The following SMG1 variants were observed in gnomAD, a reference collection of about 807,000 sequenced individuals.
SMG1 encodes the protein SMG1 nonsense mediated mRNA decay associated PI3K related kinase.
In SMG1, 22 loss-of-function variants were observed where a neutral mutation model predicts 419.9. The observed-to-expected ratio is 0.05, with a 90% CI of 0.04 to 0.07. The LOEUF (loss-of-function observed/expected upper bound fraction) is 0.07. Among genes scored for constraint, SMG1 ranks in the 10% least tolerant of loss-of-function variants. The pLI is 1.00. For missense variants in SMG1, 3,185 were observed against 4,342.0 expected, an observed-to-expected ratio of 0.73 and a Z score of 7.49; for synonymous variants, 1,538 against 1,553.5, an observed-to-expected ratio of 0.99 and a Z score of 0.23.
intron 35 of SMG1, among the ~76,000 whole-genome samples, chr16:18,849,666 G>GACAATTTTT (rs912185401): frequency 6.6e-6 from 1 of 152,186 alleles, no homozygotes; most frequent in Non-Finnish European, 1.5e-5. Flanking sequence ...GGCAGGCACA[G>GACAATTTTT]ACAATTTTTA....
chr16:18,852,166 A>C lies in SMG1; in HGVS notation c.4953T>G (p.Ser1651=). ...TGTCTGGAAGTAGATTCTGAACTTC[A>C]GATTTTTCTCTAGGCAGCAGACGAA... ...EGVRLLPREK[S]EVQNLLPDTI... is the part of the protein sequence containing the mutation. Residue 1651 remains serine (S), a synonymous_variant, in exon 33 of 63, where the codon TCT becomes TCG. Transcript: ENST00000446231. 1 of 1,613,918 alleles carries C rather than the reference A, an allele frequency of 6.2e-7. No individual in the cohort carries two copies.
intron 6 of SMG1, among the ~76,000 whole-genome samples, chr16:18,887,046 T>A (rs1036610054): frequency 5.9e-5 from 9 of 152,176 alleles, no homozygotes; most frequent in Non-Finnish European, 8.8e-5. Context: ...TGAACTGTCA[T>A]CATGTGTATG....
chr16:18,862,489 C>G (rs1016309630), intron 25 of SMG1, among the ~76,000 whole-genome samples: 1 of 152,174 alleles, frequency 6.6e-6, no homozygotes, highest in Non-Finnish European at 1.5e-5. Context: ...AGTTCCAAAT[C>G]CAATTCTTAA....
intron 45 of SMG1, 36 bp from the exon 46 acceptor site, chr16:18,837,479 A>C (rs768143353): frequency 1.7e-5 from 27 of 1,561,260 alleles, no homozygotes; most frequent in Non-Finnish European, 2.2e-5. Flanking sequence ...AGACTCTTAC[A>C]GGGCCAATTT....
At chr16:18,848,994 T>A (rs2034428165) in intron 36 of SMG1, among the ~76,000 whole-genome samples, 2 of 135,936 alleles carry the variant, frequency 1.5e-5, no homozygotes, top group African/African-American at 5.6e-5. Context: ...TGCTTAAACC[T>A]GGGAGGCAGA....
intron 3 of SMG1, among the ~76,000 whole-genome samples, chr16:18,893,349 G>A (rs1489619119): frequency 3.3e-5 from 5 of 152,176 alleles, no homozygotes; most frequent in East Asian, 1.9e-4. Context: ...TTTGCTGGGC[G>A]AGGTGGCTCT....
Position 18,834,233 on chromosome 16 carries a change from A to G in SMG1, c.8536T>C (p.Leu2846=). ...NPMEASETVH[L]ANGVYTSLQE... Reference sequence around the variant, plus strand: ...AGTGAGGTATACACTCCATTGGCTAAGTGAACTGTCTCAGACGCTTCCATG... The same window carrying G: ...AGTGAGGTATACACTCCATTGGCTAGGTGAACTGTCTCAGACGCTTCCATG... Residue 2846 remains leucine (L), a synonymous_variant, in exon 50 of 63, where the codon TTA becomes CTA. Coordinates refer to ENST00000446231, the MANE Select transcript of SMG1 (RefSeq NM_015092.5). 1 of 1,603,914 alleles carries G rather than the reference A, an allele frequency of 6.2e-7. No individual in the cohort carries two copies. Among genetic ancestry groups the G allele is most frequent in the Non-Finnish European group, 8.5e-7 (1 of 1,174,844 alleles).
chr16:18,835,042 C>A lies in SMG1; in HGVS notation c.8180G>T (p.Arg2727Leu), dbSNP rs766109399. 2 of 1,613,982 alleles carry A rather than the reference C, an allele frequency of 1.2e-6. No individual in the cohort carries two copies. The highest frequency in any genetic ancestry group is 8.5e-7 in the Non-Finnish European group (1 of 1,179,886). ...INSRLIRQVERLKQEAVTVPV... is the reference protein window; with the variant it reads ...INSRLIRQVELLKQEAVTVPV... ...CACAGTGACAGCTTCCTGTTTCAAG[C>A]GTTCCACTTGTCTAATAAGTCTGCT... Residue 2727 changes from arginine (R) to leucine (L), a missense_variant, in exon 49 of 63, where the codon CGC (arginine) becomes CTC (leucine). By Grantham distance (102) the Arg-to-Leu change is moderately radical. This residue lies in a region of SMG1 where 412 missense variants were observed against 546.6 expected (regional missense o/e 0.75). Transcript: ENST00000446231.
chr16:18,831,598 A>G (rs2141221229), intron 51 of SMG1, among the ~76,000 whole-genome samples: 1 of 152,062 alleles, frequency 6.6e-6, no homozygotes, highest in Non-Finnish European at 1.5e-5. Flanking sequence ...ATTAATGATT[A>G]TACTTTTTCT....
intron 6 of SMG1, among the ~76,000 whole-genome samples, chr16:18,889,113 C>G (rs1256917910): frequency 1.3e-5 from 2 of 152,158 alleles, no homozygotes; most frequent in East Asian, 1.9e-4. Flanking sequence ...CGTGAGCCAC[C>G]GCACCTGGCG....
rs1244550821 is a variant in SMG1 at position 18,817,451 on chromosome 16, T to C, written c.9914A>G (p.Asn3305Ser). 2 of 1,579,786 alleles carry C rather than the reference T, an allele frequency of 1.3e-6. No homozygotes were observed. Among genetic ancestry groups the C allele is most frequent in the East Asian group, 2.3e-5 (1 of 43,774 alleles). Residue 3305 changes from asparagine (N) to serine (S), a missense_variant, in exon 57 of 63, where the codon AAT becomes AGT. Physicochemically the swap from Asn to Ser is conservative, Grantham distance 46. Transcript: ENST00000446231. The stretch of plus-strand genomic sequence containing the variant: ...TCGTAAACTTTCAAAATGAATGATA[T>C]TGCTGCAGAGAAATGTGACCTGTAA... ...RASQVTFLCS[N>S]IIHFESLRTR...
Position 18,827,025 on chromosome 16 carries a change from G to A in SMG1, c.9741+1006C>T, listed in dbSNP as rs1345247291. On this transcript the variant is annotated intron_variant, in intron 55 of 62. Transcript: ENST00000446231. ...CGGGTGGGAGTGACCCGATTTTCCA[G>A]GTACGTCCGTCACCCCTTTCTTTGA... Among the ~76,000 whole-genome samples the A allele has an allele frequency of 1.8e-4, 7 of 39,616 alleles. 1 individual carries two copies. Among genetic ancestry groups the A allele is most frequent in the African/African-American group, 5.0e-4 (7 of 14,006 alleles). 26.0% of individuals were successfully genotyped at this position (39,616 alleles called of 152,430 possible).
intron 19 of SMG1, 51 bp downstream of exon 19, chr16:18,869,803 A>G: frequency 1.3e-6 from 2 of 1,517,572 alleles, no homozygotes; most frequent in Non-Finnish European, 1.8e-6. Flanking sequence ...TAAAGTCAAA[A>G]GAATCTTAAA....
chr16:18,879,263 A>T (rs963291960), intron 11 of SMG1: 1 of 506,850 alleles, frequency 2.0e-6, no homozygotes, highest in East Asian at 3.7e-5. Flanking sequence ...CTACAGGTGC[A>T]CGCCACTACA....
chr16:18,895,729 A>G (rs1265187372), intron 3 of SMG1, among the ~76,000 whole-genome samples: 2 of 151,872 alleles, frequency 1.3e-5, no homozygotes, highest in African/African-American at 4.8e-5. Context: ...CTCTCTATAT[A>G]TATCTATATC....
chr16:18,865,627 A>T (rs970762641), intron 23 of SMG1, among the ~76,000 whole-genome samples: 5 of 152,086 alleles, frequency 3.3e-5, no homozygotes, highest in Non-Finnish European at 7.4e-5. Context: ...ACAAATCTTT[A>T]TTAAAAATAA....
chr16:18,872,169 T>C lies in SMG1; in HGVS notation c.2183+15A>G, dbSNP rs1387068492. On this transcript the variant is annotated intron_variant, in intron 15 of 62. Coordinates refer to ENST00000446231, the MANE Select transcript of SMG1 (RefSeq NM_015092.5). Reference sequence around the variant, plus strand: ...ACAAAGTTAGGAATAGTTAATACTATATAATATCTGTTACCTCGTGTCCTG... The same window carrying C: ...ACAAAGTTAGGAATAGTTAATACTACATAATATCTGTTACCTCGTGTCCTG... 2 of 1,372,948 alleles carry C rather than the reference T, an allele frequency of 1.5e-6. No homozygotes were observed. Among genetic ancestry groups the C allele is most frequent in the African/African-American group, 1.5e-5 (1 of 68,640 alleles). The allele number at this position is 1,372,948 out of a possible 1,614,324, so 85.0% of individuals were successfully genotyped here. A position where few individuals can be genotyped will look rare whatever the true frequency, so the allele number is the denominator to read the frequency against.
chr16:18,925,888 G>GC (rs2038381653), intron 1 of SMG1, 62 bp downstream of exon 1: 5 of 1,333,752 alleles, frequency 3.7e-6, no homozygotes, highest in Non-Finnish European at 5.1e-6. Flanking sequence ...GCGGCCCTAG[G>GC]CCTCGGCCCG....
intron 1 of SMG1, among the ~76,000 whole-genome samples, chr16:18,907,278 C>G (rs1306172559): frequency 6.6e-6 from 1 of 150,558 alleles, no homozygotes; most frequent in African/African-American, 2.4e-5. Context: ...GAAACTCCAT[C>G]TCAAAAAAAA....
Sources: allele counts gnomAD v4.1 joint callset (sites outside exome capture counted in the v4.1 genomes callset), GRCh38; gene constraint gnomAD v4.1.1; regional missense constraint gnomAD v4.1.1; transcripts MANE v1.5; gene names NCBI Gene and HGNC (gene_info 2026-07-23, HGNC 2026-07-21).